FOXP2: variants seen among roughly 807,000 people sequenced by gnomAD.
FOXP2 encodes forkhead box protein P2.
Under a neutral mutation model 115.8 loss-of-function variants are expected in FOXP2, and 12 were observed. The ratio of observed to expected loss-of-function variants is 0.10; its 90% confidence interval spans 0.07 to 0.17. The LOEUF (loss-of-function observed/expected upper bound fraction) is 0.17, where lower values mean the gene tolerates loss of function less well. Ranked by LOEUF, FOXP2 falls within the 10% of genes least tolerant of loss-of-function variation. FOXP2 has a pLI of 1.00. For missense variants in FOXP2, 629 were observed against 843.5 expected, an observed-to-expected ratio of 0.75 and a Z score of 3.15; for synonymous variants, 328 against 297.7, an observed-to-expected ratio of 1.10 and a Z score of -1.05.
chr7:114,487,100 A>G (rs75729639), intron 2 of FOXP2, among the ~76,000 whole-genome samples: 3,763 of 152,292 alleles, frequency 0.025, 151 homozygotes, highest in African/African-American at 0.085. Flanking sequence ...GAGGTTCTCC[A>G]TGAGGACCTC....
intron 8 of FOXP2, chr7:114,645,652 CT>C (rs1218896346): frequency 6.6e-6 from 1 of 152,070 alleles, no homozygotes; most frequent in Non-Finnish European, 1.5e-5. Flanking sequence ...CTGTTTCATG[CT>C]TCATCAACAA....
At chr7:114,515,958 C>A (rs1300306785) in intron 2 of FOXP2, among the ~76,000 whole-genome samples, 2 of 152,084 alleles carry the variant, frequency 1.3e-5, no homozygotes, top group Non-Finnish European at 2.9e-5. Context: ...TAGGAAGAAT[C>A]AATATCATGA....
At chr7:114,245,059 G>A (rs1216941545) in intron 1 of FOXP2, among the ~76,000 whole-genome samples, 1 of 152,176 alleles carries the variant, frequency 6.6e-6, no homozygotes, top group South Asian at 2.1e-4. Flanking sequence ...ACCGCGCCCG[G>A]CCGTAGTGTT....
intron 2 of FOXP2, among the ~76,000 whole-genome samples, chr7:114,348,179 T>C (rs1490746091): frequency 2.0e-5 from 3 of 152,184 alleles, no homozygotes; most frequent in South Asian, 2.1e-4. Flanking sequence ...TTTAGCAACA[T>C]TGGTAAGTCA....
chr7:114,284,451 T>C (rs1796416523), intron 1 of FOXP2, among the ~76,000 whole-genome samples: 1 of 149,514 alleles, frequency 6.7e-6, no homozygotes, highest in South Asian at 2.1e-4. Flanking sequence ...GTTCAGTTTC[T>C]GTCTCCTTCA....
chr7:114,086,679 C>G (rs1356742512), upstream of FOXP2: 2 of 281,638 alleles, frequency 7.1e-6, no homozygotes, highest in Admixed American at 4.9e-5. Context: ...GCCACCTCCA[C>G]GCTGGGCCGA....
chr7:114,155,242 T>C (rs1361954818), intron 1 of FOXP2, among the ~76,000 whole-genome samples: 2 of 152,050 alleles, frequency 1.3e-5, no homozygotes, highest in Admixed American at 6.6e-5. Flanking sequence ...CCTGAACATC[T>C]AGTTCAAGCC....
At chr7:114,257,563 C>T (rs1352752162) in intron 1 of FOXP2, among the ~76,000 whole-genome samples, 1 of 149,716 alleles carries the variant, frequency 6.7e-6, no homozygotes, top group Non-Finnish European at 1.5e-5. Context: ...AGGCGATTCT[C>T]CTGCCTCAGC....
intron 2 of FOXP2, among the ~76,000 whole-genome samples, chr7:114,469,338 G>T (rs1017937908): frequency 6.6e-6 from 1 of 152,078 alleles, no homozygotes; most frequent in Non-Finnish European, 1.5e-5. Context: ...AAGAGTAAGG[G>T]TTACCAGCTG....
At position 114,323,227 on chromosome 7, in the gene FOXP2, A is replaced by T. The variant is rs113990382; in HGVS notation, c.-11+35118A>T. ...ATTATCTATTTTAATTTTACAACAA[A>T]TATTTTCAGAATGGGATAGTTCCTA... On this transcript the variant is annotated intron_variant, in intron 2 of 17. Transcript: ENST00000634411. 1.5e-3 allele frequency among the ~76,000 whole-genome samples: 224 copies of T among 152,218 alleles called. 2 individuals carry two copies. Among genetic ancestry groups the T allele is most frequent in the African/African-American group, 5.1e-3 (210 of 41,552 alleles).
At chr7:114,193,452 T>A (rs1294036830) in intron 1 of FOXP2, among the ~76,000 whole-genome samples, 1 of 151,712 alleles carries the variant, frequency 6.6e-6, no homozygotes, top group Non-Finnish European at 1.5e-5. Flanking sequence ...TAATAATATA[T>A]AATTATACAT....
intron 2 of FOXP2, among the ~76,000 whole-genome samples, chr7:114,330,138 G>A (rs535765965): frequency 1.4e-4 from 22 of 151,846 alleles, no homozygotes; most frequent in African/African-American, 4.6e-4. Context: ...GGTTTTAATC[G>A]ACATTATCCC....
intron 2 of FOXP2, among the ~76,000 whole-genome samples, chr7:114,375,422 G>A (rs1308253729): frequency 6.6e-6 from 1 of 152,154 alleles, no homozygotes; most frequent in Non-Finnish European, 1.5e-5. Context: ...TATAGGCTCT[G>A]CTTGTGTCCC....
intron 16 of FOXP2, among the ~76,000 whole-genome samples, chr7:114,680,606 C>G (rs899379628): frequency 1.3e-5 from 2 of 152,066 alleles, no homozygotes; most frequent in African/African-American, 2.4e-5. Flanking sequence ...ACCCCTTACA[C>G]TCCTGCCTTA....
intron 2 of FOXP2, among the ~76,000 whole-genome samples, chr7:114,440,028 A>G (rs1794532039): frequency 6.6e-6 from 1 of 152,228 alleles, no homozygotes; most frequent in African/African-American, 2.4e-5. Flanking sequence ...TCTAATAACA[A>G]AAACTCATTC....
chr7:114,585,578 A>C (rs1802092643), intron 3 of FOXP2, among the ~76,000 whole-genome samples: 1 of 151,974 alleles, frequency 6.6e-6, no homozygotes, highest in East Asian at 1.9e-4. Context: ...TTAAAAAAAA[A>C]AAAAAAGCCA....
chr7:114,275,444 A>G (rs149766253), intron 1 of FOXP2, among the ~76,000 whole-genome samples: 2,593 of 152,268 alleles, frequency 0.017, 38 homozygotes, highest in African/African-American at 0.033. Context: ...CAGTTTACCA[A>G]TAAGTTGTGT....
At chr7:114,105,670 C>T (rs1236310603) in intron 1 of FOXP2, among the ~76,000 whole-genome samples, 1 of 151,956 alleles carries the variant, frequency 6.6e-6, no homozygotes, top group Non-Finnish European at 1.5e-5. Context: ...TCACATTATT[C>T]TCTGAGGTGA....
chr7:114,235,476 G>A (rs566204237), intron 1 of FOXP2, among the ~76,000 whole-genome samples: 181 of 152,186 alleles, frequency 1.2e-3, no homozygotes, highest in African/African-American at 4.2e-3. Context: ...GTATTTTAGA[G>A]TGGCTGTTAG....
Sources: allele counts gnomAD v4.1 joint callset (sites outside exome capture counted in the v4.1 genomes callset), GRCh38; gene constraint gnomAD v4.1.1; transcripts MANE v1.5; gene names NCBI Gene and HGNC (gene_info 2026-07-23, HGNC 2026-07-21).